Variants in NPAS3 observed in about 807,000 individuals in gnomAD.
The protein encoded by NPAS3 is neuronal PAS domain protein 3.
In NPAS3, 14 loss-of-function variants were observed where a neutral mutation model predicts 73.1. The ratio of observed to expected loss-of-function variants is 0.19; its 90% CI spans 0.13 to 0.30. The LOEUF (loss-of-function observed/expected upper bound fraction) is 0.30. Among genes scored for constraint, NPAS3 ranks in the 10% least tolerant of loss-of-function variants. NPAS3 has a pLI of 1.00. For missense variants in NPAS3, 1,096 were observed against 1,250.0 expected (o/e 0.88, Z 1.86); for synonymous variants, 620 against 541.5 (o/e 1.14, Z -2.01).
At chr14:33,278,480 G>C (rs2041439105) in intron 3 of NPAS3, among the ~76,000 whole-genome samples, 1 of 145,806 alleles carries the variant, frequency 6.9e-6, no homozygotes. Flanking sequence ...ACAATAGGAA[G>C]ATTTCAGAGT....
At chr14:33,156,224 T>C (rs530525789) in intron 2 of NPAS3, among the ~76,000 whole-genome samples, 1 of 152,344 alleles carries the variant, frequency 6.6e-6, no homozygotes, top group East Asian at 1.9e-4. Flanking sequence ...GGGATTGGCA[T>C]TTGTGCAATA....
intron 3 of NPAS3, among the ~76,000 whole-genome samples, chr14:33,217,132 C>G (rs2047254234): frequency 6.6e-6 from 1 of 152,032 alleles, no homozygotes. Context: ...AAGAAAGAGA[C>G]AGCAAAAGGG....
At chr14:33,557,696 GCA>G (rs2055423242) in intron 4 of NPAS3, among the ~76,000 whole-genome samples, 1 of 152,184 alleles carries the variant, frequency 6.6e-6, no homozygotes, top group Non-Finnish European at 1.5e-5. Context: ...ACAGCTGGGC[GCA>G]GTGGCTCACG....
chr14:33,634,102 C>T (rs1295113103), intron 5 of NPAS3, among the ~76,000 whole-genome samples: 1 of 152,206 alleles, frequency 6.6e-6, no homozygotes, highest in Non-Finnish European at 1.5e-5. Context: ...CCTGAGATTT[C>T]AGAAATAGCT....
At chr14:33,297,820 C>T (rs756219783) in intron 3 of NPAS3, among the ~76,000 whole-genome samples, 53 of 152,148 alleles carry the variant, frequency 3.5e-4, no homozygotes, top group Admixed American at 1.0e-3. Context: ...GCTGCCACCG[C>T]GTGAGAAATG....
rs770923758 is a variant in NPAS3 at position 33,045,179 on chromosome 14, A to G, written c.51-10726A>G. On this transcript the variant is annotated intron_variant, in intron 1 of 11. Transcript: ENST00000356141. ...GTCATAGCTGCAAGGGAGGCTGGGT[A>G]TCTAATTACAACTCTATTACTATTG... is the stretch of plus-strand genomic sequence containing the variant. Among the ~76,000 whole-genome samples the G allele has an allele frequency of 1.2e-4, 19 of 152,126 alleles. 1 individual carries two copies. Among genetic ancestry groups the G allele is most frequent in the Admixed American group, 3.9e-4 (6 of 15,274 alleles).
At chr14:33,219,800 A>T (rs1249293766) in intron 3 of NPAS3, among the ~76,000 whole-genome samples, 1 of 152,200 alleles carries the variant, frequency 6.6e-6, no homozygotes, top group Non-Finnish European at 1.5e-5. Context: ...CTACTGTTAT[A>T]ATATTGTCCC....
intron 3 of NPAS3, among the ~76,000 whole-genome samples, chr14:33,247,528 T>G (rs1263024591): frequency 6.6e-6 from 1 of 152,186 alleles, no homozygotes; most frequent in East Asian, 1.9e-4. Flanking sequence ...TGGCGGTGCA[T>G]GTGCAAGGAC....
chr14:33,504,995 C>T (rs1393768721), intron 4 of NPAS3, among the ~76,000 whole-genome samples: 2 of 152,026 alleles, frequency 1.3e-5, no homozygotes, highest in African/African-American at 4.8e-5. Context: ...TAATTTATGT[C>T]TCTCTCAAGT....
At chr14:33,029,307 C>A (rs779141365) in intron 1 of NPAS3, among the ~76,000 whole-genome samples, 5 of 152,080 alleles carry the variant, frequency 3.3e-5, no homozygotes, top group Admixed American at 6.6e-5. Context: ...AGAATAATAT[C>A]AATTTTAATA....
rs199893338 is a variant in NPAS3 at position 33,564,310 on chromosome 14, A to T, written c.558+4100A>T. On this transcript the variant is annotated intron_variant, in intron 5 of 11. Coordinates refer to ENST00000356141, the Ensembl canonical transcript of NPAS3. ...AACCATTGTTTCTTAAGGAAGGCAAAGTTTTTCTGGGACTGAAATCTGAAA... is the reference window on the plus strand; with the variant it reads ...AACCATTGTTTCTTAAGGAAGGCAATGTTTTTCTGGGACTGAAATCTGAAA... Among the ~76,000 whole-genome samples the T allele has an allele frequency of 1.6e-4, 24 of 152,332 alleles. No homozygotes were observed. In the East Asian group the frequency reaches 4.4e-3, roughly 28 times the overall value.
chr14:33,104,371 A>G (rs2042661611), intron 2 of NPAS3, among the ~76,000 whole-genome samples: 1 of 152,154 alleles, frequency 6.6e-6, no homozygotes, highest in African/African-American at 2.4e-5. Flanking sequence ...CATGTGGGTA[A>G]AAGTCCGTAA....
At chr14:33,611,983 C>T (rs779497216) in intron 5 of NPAS3, among the ~76,000 whole-genome samples, 10 of 152,096 alleles carry the variant, frequency 6.6e-5, no homozygotes, top group Non-Finnish European at 8.8e-5. Flanking sequence ...CCAGCAGAGA[C>T]GGGAAACTGG....
chr14:33,662,160 G>C (rs2059326465), intron 5 of NPAS3, among the ~76,000 whole-genome samples: 1 of 152,236 alleles, frequency 6.6e-6, no homozygotes, highest in African/African-American at 2.4e-5. Flanking sequence ...CAGTTACTCA[G>C]CCATGCCACC....
chr14:32,997,410 G>T (rs1369076191), intron 1 of NPAS3, among the ~76,000 whole-genome samples: 3 of 152,036 alleles, frequency 2.0e-5, no homozygotes, highest in Non-Finnish European at 4.4e-5. Context: ...GATTTGGGAG[G>T]GACCGGGGTG....
At position 33,079,052 on chromosome 14, in the gene NPAS3, C is replaced by G. The variant is rs1367249245; in HGVS notation, c.140+23058C>G. Among the ~76,000 whole-genome samples the G allele has an allele frequency of 2.6e-5, 4 of 152,110 alleles. 1 individual carries two copies. Among genetic ancestry groups the G allele is most frequent in the Admixed American group, 6.5e-5 (1 of 15,272 alleles). On this transcript the variant is annotated intron_variant, in intron 2 of 11. Coordinates refer to ENST00000356141, the Ensembl canonical transcript of NPAS3. ...AGTTGACTTCCCTGAGTCTCAAACC[C>G]CAATTTGCCTGTGCTAATAATTGTG...
intron 3 of NPAS3, among the ~76,000 whole-genome samples, chr14:33,248,170 A>C (rs1356066088): frequency 6.6e-6 from 1 of 152,224 alleles, no homozygotes; most frequent in Non-Finnish European, 1.5e-5. Flanking sequence ...ACTTATGAGA[A>C]TCATAACAGA....
intron 2 of NPAS3, among the ~76,000 whole-genome samples, chr14:33,089,443 TA>T (rs1184223981): frequency 1.3e-5 from 2 of 151,964 alleles, no homozygotes; most frequent in Non-Finnish European, 2.9e-5. Flanking sequence ...AAGAGAAGTT[TA>T]GAGAAAAAAG....
intron 4 of NPAS3, among the ~76,000 whole-genome samples, chr14:33,402,536 G>T (rs10136326): frequency 0.029 from 4,388 of 152,154 alleles, 192 homozygotes; most frequent in African/African-American, 0.1. Context: ...TCACCAGCAG[G>T]CTCTCCTGTG....
Sources: gnomAD v4.1 joint callset for allele counts (sites outside exome capture counted in the v4.1 genomes callset) on GRCh38, gnomAD v4.1.1 for gene constraint, MANE v1.5 for transcripts, NCBI Gene and HGNC (gene_info 2026-07-23, HGNC 2026-07-21) for gene names.